The following USP24 variants were observed in gnomAD, a reference collection of about 807,000 sequenced individuals.
The protein encoded by USP24 is ubiquitin specific peptidase 24.
In USP24, 97 loss-of-function variants were observed where a neutral mutation model predicts 361.6. That is an observed-to-expected ratio of 0.27 (90% CI 0.23 to 0.32). USP24 has a LOEUF of 0.32. Among genes scored for constraint, USP24 ranks in the 10% least tolerant of loss-of-function variants. The probability of loss-of-function intolerance (pLI) is 1.00; values close to 1 mark genes in which losing one functional copy is unlikely to be tolerated. For missense variants in USP24, 2,353 were observed against 3,165.6 expected (o/e 0.74, Z 6.16); for synonymous variants, 1,098 against 1,124.6 (o/e 0.98, Z 0.47).
At position 55,162,268 on chromosome 1, in the gene USP24, GA is replaced by G. The variant is rs1438821025; in HGVS notation, c.928-5del. The G allele has an allele frequency of 5.1e-6, 8 of 1,556,516 alleles. No homozygotes were observed. In the Admixed American group the frequency reaches 8.2e-5, roughly 16 times the overall value. ...GCTGAATCAGTGCTGAGACAGCCTGGAAAAAGACAGTGAAGATTAAAAATAC... is the reference window on the plus strand; with the variant it reads ...GCTGAATCAGTGCTGAGACAGCCTGGAAAAGACAGTGAAGATTAAAAATAC... On this transcript the variant is annotated splice_region_variant and splice_polypyrimidine_tract_variant and intron_variant, in intron 7 of 67. Transcript: ENST00000294383.
At chr1:55,104,168 C>G in intron 41 of USP24, 148 bp from the exon 42 acceptor site, 1 of 935,532 alleles carries the variant, frequency 1.1e-6, no homozygotes, top group South Asian at 1.9e-5. Flanking sequence ...ATCCAGTAAT[C>G]CAGGGGTCAT....
chr1:55,101,127 G>A (rs1393539005), intron 43 of USP24, among the ~76,000 whole-genome samples, 163 bp from the exon 44 acceptor site: 1 of 152,118 alleles, frequency 6.6e-6, no homozygotes. Flanking sequence ...TTCCTAGCTG[G>A]TGTAATTATG....
At chr1:55,083,059 T>C (rs533813395) in intron 58 of USP24, among the ~76,000 whole-genome samples, 1 of 152,322 alleles carries the variant, frequency 6.6e-6, no homozygotes, top group African/African-American at 2.4e-5. Context: ...TTCCCTCTTA[T>C]GACTTTGTCA....
Position 55,141,599 on chromosome 1 carries a change from C to T in USP24, c.2750+17G>A, listed in dbSNP as rs1413603179. The T allele has an allele frequency of 1.9e-6, 3 of 1,594,656 alleles. No homozygotes were observed. The highest frequency in any genetic ancestry group is 2.6e-6 in the Non-Finnish European group (3 of 1,167,434). On this transcript the variant is annotated intron_variant, in intron 24 of 67. Transcript: ENST00000294383. ...TGACATATGTGTGTTGTGTATTTTT[C>T]ACTTCTGATCACTTACCTATAAGGA...
At position 55,146,135 on chromosome 1, in the gene USP24, T is replaced by C. The variant is rs1285546672; in HGVS notation, c.2251-26A>G. 1.6e-5 allele frequency: 24 copies of C among 1,541,964 alleles called. No homozygotes were observed. The Middle Eastern group carries it at 5.0e-4, about 32-fold the overall frequency. Reference sequence around the variant, plus strand: ...CTGTGGAATAAGACGAATATCACCCTATAACTAAGATCCATTTCAGGCACA... The same window carrying C: ...CTGTGGAATAAGACGAATATCACCCCATAACTAAGATCCATTTCAGGCACA... On this transcript the variant is annotated intron_variant, in intron 19 of 67. Coordinates refer to ENST00000294383, the MANE Select transcript of USP24 (RefSeq NM_015306.3).
At chr1:55,175,219 C>CTTTTTT (rs3072970) in intron 3 of USP24, among the ~76,000 whole-genome samples, 4 of 66,914 alleles carry the variant, frequency 6.0e-5, no homozygotes, top group Non-Finnish European at 1.1e-4. Context: ...TACTGGGTCT[C>CTTTTTT]TTTTTTTTTT....
At chr1:55,085,564 A>C (rs547285197) in intron 56 of USP24, among the ~76,000 whole-genome samples, 120 of 152,358 alleles carry the variant, frequency 7.9e-4, no homozygotes, top group Middle Eastern at 3.4e-3. Context: ...AAAATAGCTT[A>C]TGAGGAAAAA....
chr1:55,134,128 A>G lies in USP24; in HGVS notation c.3323T>C (p.Ile1108Thr), dbSNP rs375121877. Residue 1108 changes from isoleucine (I) to threonine (T), a missense_variant, in exon 30 of 68, where the codon ATA becomes ACA. Ile to Thr is a moderately conservative substitution (Grantham distance 89). This residue lies in a region of USP24 where 949 missense variants were observed against 1,280.5 expected (regional missense o/e 0.74). Transcript: ENST00000294383. ...TLRVRKLLLL[I>T]PTDPAIQEAL... The stretch of plus-strand genomic sequence containing the variant: ...TTCCTGAATGGCTGGATCAGTGGGT[A>G]TCAAGAGCAGAAGCTTCCGTACTCG... The G allele has an allele frequency of 9.3e-6, 15 of 1,613,706 alleles. No homozygotes were observed. The highest frequency in any genetic ancestry group is 1.3e-5 in the African/African-American group (1 of 74,940).
intron 50 of USP24, 109 bp from the exon 51 acceptor site, chr1:55,095,505 G>A (rs2100487262): frequency 2.4e-6 from 3 of 1,248,664 alleles, no homozygotes; most frequent in Non-Finnish European, 1.1e-6. Flanking sequence ...TACTCCCTAA[G>A]TTTGTAAAAT....
chr1:55,174,474 T>C (rs960302179), intron 3 of USP24, among the ~76,000 whole-genome samples: 1 of 152,244 alleles, frequency 6.6e-6, no homozygotes, highest in African/African-American at 2.4e-5. Context: ...CTGAATAATA[T>C]AAGGCATGGT....
At chr1:55,211,365 A>G (rs961513187) in intron 1 of USP24, among the ~76,000 whole-genome samples, 5 of 152,236 alleles carry the variant, frequency 3.3e-5, no homozygotes, top group African/African-American at 4.8e-5. Flanking sequence ...CCAGAGACCA[A>G]GAACATTTAC....
intron 1 of USP24, among the ~76,000 whole-genome samples, chr1:55,190,733 GA>G (rs1272847406): frequency 6.6e-6 from 1 of 152,166 alleles, no homozygotes; most frequent in Non-Finnish European, 1.5e-5. Flanking sequence ...TGTCTTTAAA[GA>G]AAAGGATAAT....
chr1:55,072,382 G>C lies in USP24; in HGVS notation c.7624C>G (p.Pro2542Ala), dbSNP rs1644938689. ...GTTTCATTAGAGACATTACTCTGTG[G>C]TGTCCAGTAATGTTCTGACATCTGA... is the stretch of plus-strand genomic sequence containing the variant. ...QKKMSEHYWT[P>A]QSNVSNETST... The change falls in exon 66 of 68, where the codon CCA (proline) becomes GCA (alanine). Residue 2542 changes from proline to alanine, a missense_variant. Pro to Ala is a conservative substitution (Grantham distance 27). Coordinates refer to ENST00000294383, the MANE Select transcript of USP24 (RefSeq NM_015306.3). The C allele has an allele frequency of 6.2e-7, 1 of 1,613,458 alleles. No individual in the cohort carries two copies. The highest frequency in any genetic ancestry group is 1.3e-5 in the African/African-American group (1 of 74,862).
At chr1:55,177,511 T>A (rs1650114818) in intron 2 of USP24, among the ~76,000 whole-genome samples, 1 of 151,778 alleles carries the variant, frequency 6.6e-6, no homozygotes, top group African/African-American at 2.4e-5. Flanking sequence ...AATAAGTTAT[T>A]TTCTCTTTTT....
chr1:55,098,228 T>C (rs1645541668), intron 46 of USP24, 144 bp from the exon 47 acceptor site: 4 of 1,108,734 alleles, frequency 3.6e-6, no homozygotes, highest in Non-Finnish European at 4.9e-6. Flanking sequence ...TAAGTTAAAA[T>C]GCCACTTTGT....
At position 55,067,332 on chromosome 1, in the gene USP24, G is replaced by A. The variant is rs2100365340; in HGVS notation, c.*1713C>T. On this transcript the variant is annotated 3_prime_UTR_variant, in exon 68 of 68. Coordinates refer to ENST00000294383, the MANE Select transcript of USP24 (RefSeq NM_015306.3). ...AAGTATTCACGTACTCAAAACCAAT[G>A]GTAGAACATCACATTTCAAACTGCA... The A allele has an allele frequency of 6.6e-6, 1 of 152,312 alleles. No individual in the cohort carries two copies. Among genetic ancestry groups the A allele is most frequent in the South Asian group, 2.1e-4 (1 of 4,830 alleles). The allele number at this position is 152,312 out of a possible 1,614,324, so 9.4% of individuals were successfully genotyped here.
At position 55,124,560 on chromosome 1, in the gene USP24, T is replaced by C. The variant is rs187148846; in HGVS notation, c.4029A>G (p.Ala1343=). Residue 1343 remains alanine, a synonymous_variant, in exon 35 of 68, where the codon GCA becomes GCG. Transcript: ENST00000294383. Reference sequence around the variant, plus strand: ...TACTCCCAACAAGATCAAGCCGTCCTGCAGCCGCAGCCCATGACAATCTCA... The same window carrying C: ...TACTCCCAACAAGATCAAGCCGTCCCGCAGCCGCAGCCCATGACAATCTCA... ...CFMRLSWAAA[A]GRLDLVGSSQ... is the part of the protein sequence containing the mutation. The C allele has an allele frequency of 5.9e-4, 957 of 1,613,956 alleles. 5 individuals carry two copies. In the African/African-American group the frequency reaches 0.011, roughly 19 times the overall value.
At chr1:55,153,988 C>T (rs1379638715) in intron 15 of USP24, 71 bp from the exon 16 acceptor site, 2 of 1,547,088 alleles carry the variant, frequency 1.3e-6, no homozygotes, top group Non-Finnish European at 1.7e-6. Context: ...CGATCTTGGA[C>T]TTTAAGGTAA....
intron 40 of USP24, among the ~76,000 whole-genome samples, chr1:55,106,783 A>C (rs1346276404): frequency 6.6e-6 from 1 of 152,182 alleles, no homozygotes; most frequent in African/African-American, 2.4e-5. Context: ...TGTCTTCTGA[A>C]TACAATTTAT....
Sources: gnomAD v4.1 joint callset for allele counts (sites outside exome capture counted in the v4.1 genomes callset) on GRCh38, gnomAD v4.1.1 for gene constraint, gnomAD v4.1.1 regional missense constraint, MANE v1.5 for transcripts, NCBI Gene and HGNC (gene_info 2026-07-23, HGNC 2026-07-21) for gene names.